Variants in RGS5 observed in about 807,000 individuals in gnomAD.
RGS5 encodes the protein regulator of G-protein signalling 5.
A neutral mutation model predicts 18.9 loss-of-function variants in RGS5; 20 were observed. That is an observed-to-expected ratio of 1.06 (90% CI 0.74 to 1.54). The LOEUF is 1.54. Ranked by LOEUF, RGS5 falls within the 40% of genes most tolerant of loss-of-function variation. The pLI, the probability that RGS5 is intolerant of heterozygous loss-of-function variation, is 0.00. For synonymous variants in RGS5, 57 were observed against 76.2 expected, an observed-to-expected ratio of 0.75 and a Z score of 1.31; for missense variants, 201 against 211.8, an observed-to-expected ratio of 0.95 and a Z score of 0.32.
chr1:163,147,918 C>CTTTTTTTTT (rs534448527), intron 4 of RGS5, among the ~76,000 whole-genome samples: 156 of 78,054 alleles, frequency 2.0e-3, no homozygotes, highest in Non-Finnish European at 2.7e-3. Context: ...TTTTCTTTTT[C>CTTTTTTTTT]TTTTTTTTTT....
intron 1 of RGS5, among the ~76,000 whole-genome samples, chr1:163,314,321 A>T (rs1472821517): frequency 6.6e-6 from 1 of 152,174 alleles, no homozygotes; most frequent in Non-Finnish European, 1.5e-5. Context: ...CCAAAGACTA[A>T]AGATGAAATG....
chr1:163,263,766 C>T (rs146211050), intron 2 of RGS5, among the ~76,000 whole-genome samples: 153 of 151,750 alleles, frequency 1.0e-3, no homozygotes, highest in African/African-American at 3.6e-3. Flanking sequence ...ATTATCAGTA[C>T]TTTTGTCTTT....
chr1:163,236,156 C>T (rs1351856451), intron 2 of RGS5, among the ~76,000 whole-genome samples: 1 of 152,090 alleles, frequency 6.6e-6, no homozygotes, highest in African/African-American at 2.4e-5. Flanking sequence ...TGAATAGCTA[C>T]TAATTTAAAT....
chr1:163,251,400 A>G (rs1648103661), intron 2 of RGS5, among the ~76,000 whole-genome samples: 1 of 152,176 alleles, frequency 6.6e-6, no homozygotes, highest in Non-Finnish European at 1.5e-5. Flanking sequence ...AAGAAAATGT[A>G]AAGAAAAGAG....
At chr1:163,260,587 T>TA (rs1648407280) in intron 2 of RGS5, 1 of 151,064 alleles carries the variant, frequency 6.6e-6, no homozygotes, top group Admixed American at 6.6e-5. Context: ...ATGGGTGCAC[T>TA]AAAATCTCAG....
At chr1:163,275,827 A>G (rs1194345151) in intron 2 of RGS5, among the ~76,000 whole-genome samples, 3 of 152,190 alleles carry the variant, frequency 2.0e-5, no homozygotes, top group Admixed American at 6.5e-5. Context: ...GGAAGTAAGG[A>G]AAGAAATAAG....
chr1:163,302,672 C>G (rs1474759614), intron 2 of RGS5, among the ~76,000 whole-genome samples: 1 of 152,090 alleles, frequency 6.6e-6, no homozygotes, highest in East Asian at 1.9e-4. Context: ...TTCCCTTTAC[C>G]CAATCAAACC....
chr1:163,223,121 A>G (rs1344391075), intron 2 of RGS5, among the ~76,000 whole-genome samples: 1 of 152,202 alleles, frequency 6.6e-6, no homozygotes, highest in Admixed American at 6.5e-5. Flanking sequence ...CTGGGAATAC[A>G]GACATGAGCC....
At chr1:163,256,339 C>A (rs930807278) in intron 2 of RGS5, among the ~76,000 whole-genome samples, 6 of 151,980 alleles carry the variant, frequency 3.9e-5, no homozygotes, top group Admixed American at 2.0e-4. Flanking sequence ...AGAGCCAAAT[C>A]ATGAGTGAAC....
chr1:163,166,241 G>T (rs1384714603), intron 2 of RGS5, among the ~76,000 whole-genome samples: 1 of 130,798 alleles, frequency 7.6e-6, no homozygotes, highest in East Asian at 2.4e-4. Flanking sequence ...CTGTCTTTAG[G>T]GGGTAGGAAT....
intron 1 of RGS5, among the ~76,000 whole-genome samples, chr1:163,183,791 C>T (rs1486223420): frequency 2.6e-5 from 4 of 152,130 alleles, no homozygotes; most frequent in African/African-American, 4.8e-5. Flanking sequence ...TTGCTGGGAC[C>T]TTGCATGCCA....
intron 2 of RGS5, among the ~76,000 whole-genome samples, chr1:163,303,383 A>C (rs1313746576): frequency 2.6e-5 from 4 of 152,220 alleles, no homozygotes; most frequent in African/African-American, 4.8e-5. Flanking sequence ...CTTTGAAAAG[A>C]ATCATAGTGG....
intron 1 of RGS5, among the ~76,000 whole-genome samples, chr1:163,313,757 A>G (rs1174858872): frequency 6.6e-6 from 1 of 152,222 alleles, no homozygotes; most frequent in Admixed American, 6.5e-5. Flanking sequence ...TAAGGATACA[A>G]TCCTTTCTAG....
chr1:163,302,420 T>C (rs1409003843), intron 2 of RGS5, among the ~76,000 whole-genome samples: 1 of 152,192 alleles, frequency 6.6e-6, no homozygotes, highest in Non-Finnish European at 1.5e-5. Flanking sequence ...ACCTAATATG[T>C]TTCTTAAGCT....
chr1:163,273,252 T>C (rs537439877), intron 2 of RGS5, among the ~76,000 whole-genome samples: 5 of 152,250 alleles, frequency 3.3e-5, no homozygotes, highest in African/African-American at 1.2e-4. Context: ...TTATATTAAG[T>C]TGGTTGATAG....
At chr1:163,154,539 C>A (rs1487225540) in intron 3 of RGS5, among the ~76,000 whole-genome samples, 1 of 151,072 alleles carries the variant, frequency 6.6e-6, no homozygotes, top group Non-Finnish European at 1.5e-5. Context: ...GTATAATAAA[C>A]AATTTTCAAC....
intron 1 of RGS5, among the ~76,000 whole-genome samples, chr1:163,316,304 C>G (rs1399006867): frequency 6.6e-6 from 1 of 152,160 alleles, no homozygotes; most frequent in Non-Finnish European, 1.5e-5. Flanking sequence ...AACAATGACA[C>G]TTGTTTGCTT....
chr1:163,270,169 C>T lies in RGS5; in HGVS notation c.-281+36064G>A, dbSNP rs118089055. On this transcript the variant is annotated intron_variant, in intron 2 of 5. Coordinates refer to the RGS5 transcript ENST00000618415. Reference sequence around the variant, plus strand: ...TGCACTTGGGGTCACTTCCTCTAATCGCTCAGAGATGTTTGAATTCTTGAC... The same window carrying T: ...TGCACTTGGGGTCACTTCCTCTAATTGCTCAGAGATGTTTGAATTCTTGAC... 5.4e-4 allele frequency among the ~76,000 whole-genome samples: 82 copies of T among 152,104 alleles called. 2 individuals are homozygous for T. The East Asian group carries it at 0.015, about 27-fold the overall frequency.
intron 1 of RGS5, among the ~76,000 whole-genome samples, chr1:163,308,131 A>AT (rs1445510161): frequency 3.9e-5 from 6 of 152,332 alleles, no homozygotes; most frequent in African/African-American, 1.2e-4. Context: ...TCAGTATCAC[A>AT]TTTAATTTTT....
Sources: allele counts gnomAD v4.1 joint callset (sites outside exome capture counted in the v4.1 genomes callset), GRCh38; gene constraint gnomAD v4.1.1; transcripts MANE v1.5; gene names NCBI Gene and HGNC (gene_info 2026-07-23, HGNC 2026-07-21).